The following EMC2 variants were observed in gnomAD, a reference collection of about 807,000 sequenced individuals.
The protein encoded by EMC2 is ER membrane protein complex subunit 2.
A neutral mutation model predicts 51.6 loss-of-function variants in EMC2; 37 were observed. The ratio of observed to expected loss-of-function variants is 0.72; its 90% CI spans 0.55 to 0.94. The LOEUF is 0.94. EMC2 is among the 40% of genes least tolerant of loss of function. The pLI is 0.00. For synonymous variants in EMC2, 131 were observed against 112.4 expected (o/e 1.17, Z -1.04); for missense variants, 359 against 350.9 (o/e 1.02, Z -0.18).
chr8:108,455,246 A>T (rs1007746008), intron 4 of EMC2, among the ~76,000 whole-genome samples: 7 of 151,818 alleles, frequency 4.6e-5, no homozygotes, highest in Non-Finnish European at 8.8e-5. Flanking sequence ...GTGTTCTATT[A>T]TTTTTCTCTT....
At chr8:108,450,908 CTAA>C (rs1586175669) in intron 3 of EMC2, among the ~76,000 whole-genome samples, 1 of 151,944 alleles carries the variant, frequency 6.6e-6, no homozygotes, top group Non-Finnish European at 1.5e-5. Flanking sequence ...ACATAAAATA[CTAA>C]TAATGTTTGG....
chr8:108,471,899 A>T (rs1311761985), intron 7 of EMC2, among the ~76,000 whole-genome samples: 4 of 151,978 alleles, frequency 2.6e-5, no homozygotes, highest in Non-Finnish European at 5.9e-5. Flanking sequence ...CTTGCACACC[A>T]GCATTTACTA....
chr8:108,465,959 G>A (rs1182206465), intron 5 of EMC2, among the ~76,000 whole-genome samples: 2 of 152,112 alleles, frequency 1.3e-5, no homozygotes, highest in African/African-American at 4.8e-5. Context: ...GAAAGGGAGT[G>A]ATAGAATTGA....
At chr8:108,457,708 A>T (rs898837183) in intron 5 of EMC2, among the ~76,000 whole-genome samples, 2 of 152,172 alleles carry the variant, frequency 1.3e-5, no homozygotes, top group Non-Finnish European at 2.9e-5. Context: ...TCCTCCCATG[A>T]CATATGTGAA....
At chr8:108,453,887 T>A (rs1819091689) in intron 4 of EMC2, among the ~76,000 whole-genome samples, 1 of 152,146 alleles carries the variant, frequency 6.6e-6, no homozygotes, top group Admixed American at 6.5e-5. Context: ...CCTCATGTAT[T>A]TTGATGTTCT....
chr8:108,446,146 C>T, intron 1 of EMC2: 2 of 203,968 alleles, frequency 9.8e-6, no homozygotes, highest in Non-Finnish European at 2.1e-5. Context: ...CTTTTTCTTT[C>T]TTTCTTTATC....
intron 7 of EMC2, among the ~76,000 whole-genome samples, chr8:108,471,722 T>G (rs1810860660): frequency 6.6e-6 from 1 of 151,944 alleles, no homozygotes; most frequent in African/African-American, 2.4e-5. Context: ...TAGGGAGATA[T>G]AAAGGTTGTT....
At chr8:108,449,283 T>C (rs572153607) in intron 1 of EMC2, among the ~76,000 whole-genome samples, 35 of 151,806 alleles carry the variant, frequency 2.3e-4, no homozygotes, top group Admixed American at 1.0e-3. Flanking sequence ...GCCTTTTTTT[T>C]TTTTTTTTGA....
chr8:108,453,473 A>G (rs905940963), intron 4 of EMC2, among the ~76,000 whole-genome samples: 1 of 151,718 alleles, frequency 6.6e-6, no homozygotes, highest in Admixed American at 6.6e-5. Flanking sequence ...ATTTCTCCCT[A>G]TTCTCTTGCT....
intron 5 of EMC2, among the ~76,000 whole-genome samples, chr8:108,463,087 T>C (rs1473907364): frequency 6.6e-6 from 1 of 152,206 alleles, no homozygotes; most frequent in Non-Finnish European, 1.5e-5. Flanking sequence ...TGATTCCTTA[T>C]ACAGAGTAGC....
At chr8:108,485,114 AG>A (rs1402276159) in intron 10 of EMC2, among the ~76,000 whole-genome samples, 1 of 151,872 alleles carries the variant, frequency 6.6e-6, no homozygotes, top group Non-Finnish European at 1.5e-5. Flanking sequence ...CTGTAGCCAG[AG>A]GGGTCAGAGA....
chr8:108,457,332 G>A (rs879604746), intron 5 of EMC2, among the ~76,000 whole-genome samples: 3 of 5,950 alleles, frequency 5.0e-4, no homozygotes, highest in South Asian at 7.4e-3. Flanking sequence ...GTGTGTGTGC[G>A]TGTGTGTGTG....
intron 4 of EMC2, 116 bp downstream of exon 4, chr8:108,453,263 T>G (rs1819073223): frequency 2.1e-6 from 1 of 466,476 alleles, no homozygotes; most frequent in Non-Finnish European, 3.9e-6. Context: ...AATATGGCTT[T>G]AATTTACATT....
At chr8:108,461,579 A>G (rs1003391791) in intron 5 of EMC2, among the ~76,000 whole-genome samples, 18 of 152,232 alleles carry the variant, frequency 1.2e-4, no homozygotes, top group African/African-American at 4.3e-4. Flanking sequence ...TTAAAGTACA[A>G]GCATTATTAA....
intron 5 of EMC2, among the ~76,000 whole-genome samples, chr8:108,464,614 G>A (rs1223386827): frequency 6.6e-6 from 1 of 152,216 alleles, no homozygotes; most frequent in East Asian, 1.9e-4. Context: ...CAGCCACAGG[G>A]GGCAGATAGG....
In EMC2 at chr8:108,449,944, C is replaced by G; in HGVS notation, c.154+8C>G. 7.8e-7 allele frequency: 1 copy of G among 1,287,094 alleles called. No individual in the cohort carries two copies. The highest frequency in any genetic ancestry group is 1.1e-6 in the Non-Finnish European group (1 of 894,982). The allele number at this position is 1,287,094 out of a possible 1,614,324, so 79.7% of individuals were successfully genotyped here. A position where few individuals can be genotyped will look rare whatever the true frequency, so the allele number is the denominator to read the frequency against. On this transcript the variant is annotated splice_region_variant and intron_variant, in intron 2 of 10. Coordinates refer to ENST00000220853, the MANE Select transcript of EMC2 (RefSeq NM_014673.5). ...CTAAGCTGGGAGATGATAGTAAGTTCTTTTATTACATTCAGGCTCAGTACA... is the reference window on the plus strand; with the variant it reads ...CTAAGCTGGGAGATGATAGTAAGTTGTTTTATTACATTCAGGCTCAGTACA...
intron 5 of EMC2, among the ~76,000 whole-genome samples, chr8:108,466,521 T>C (rs907369509): frequency 3.4e-5 from 5 of 146,808 alleles, no homozygotes; most frequent in African/African-American, 1.0e-4. Context: ...GAGGCAATTA[T>C]AGCTCACTGT....
intron 7 of EMC2, among the ~76,000 whole-genome samples, chr8:108,471,858 G>A (rs1375996195): frequency 6.6e-6 from 1 of 151,872 alleles, no homozygotes; most frequent in Non-Finnish European, 1.5e-5. Context: ...AATAGTTCCT[G>A]ATTGTTCCCT....
chr8:108,462,412 T>C (rs1345068656), intron 5 of EMC2, among the ~76,000 whole-genome samples: 1 of 152,174 alleles, frequency 6.6e-6, no homozygotes, highest in East Asian at 1.9e-4. Context: ...CTTGGTGAAC[T>C]TGGTGAACCT....
Sources: gnomAD v4.1 joint callset for allele counts (sites outside exome capture counted in the v4.1 genomes callset) on GRCh38, gnomAD v4.1.1 for gene constraint, MANE v1.5 for transcripts, NCBI Gene and HGNC (gene_info 2026-07-23, HGNC 2026-07-21) for gene names.